The following FAM200B variants were observed in gnomAD, a reference collection of about 807,000 sequenced individuals.
FAM200B encodes zinc finger BED-type containing 11.
FAM200B carries 32 observed loss-of-function variants against 33.1 expected under a neutral mutation model. That is an observed-to-expected ratio of 0.97 (90% CI 0.73 to 1.30). The LOEUF (loss-of-function observed/expected upper bound fraction) is 1.30, where lower values mean the gene tolerates loss of function less well. Ranked by LOEUF, FAM200B falls within the 50% of genes most tolerant of loss-of-function variation. The pLI is 0.00. For synonymous variants in FAM200B, 240 were observed against 264.8 expected (o/e 0.91, Z 0.91); for missense variants, 741 against 754.0 (o/e 0.98, Z 0.20).
At chr4:15,663,474 A>G in the FAM200B span, among the ~76,000 whole-genome samples, 1 of 152,258 alleles carries the variant, frequency 6.6e-6, no homozygotes, top group Admixed American at 6.5e-5. Flanking sequence ...CTGGGTTCAA[A>G]TCTCAGCTGG....
the FAM200B span, among the ~76,000 whole-genome samples, chr4:15,668,461 A>AT: frequency 8.9e-4 from 133 of 150,158 alleles, no homozygotes; most frequent in Admixed American, 2.3e-3. Flanking sequence ...ACATTCTTTT[A>AT]TTTTTTTTTG....
chr4:15,669,919 G>T, the FAM200B span, among the ~76,000 whole-genome samples: 1 of 152,086 alleles, frequency 6.6e-6, no homozygotes, highest in Non-Finnish European at 1.5e-5. Flanking sequence ...TTGTTAAAGG[G>T]GCGGTAATCA....
At chr4:15,684,063 A>G (rs923044762) in intron 1 of FAM200B, among the ~76,000 whole-genome samples, 1 of 152,242 alleles carries the variant, frequency 6.6e-6, no homozygotes, top group Non-Finnish European at 1.5e-5. Context: ...AAGGGAGGCT[A>G]AGTAGATGGA....
intron 1 of FAM200B, among the ~76,000 whole-genome samples, chr4:15,682,771 A>G (rs1718441980): frequency 6.6e-6 from 1 of 152,252 alleles, no homozygotes; most frequent in African/African-American, 2.4e-5. Flanking sequence ...GAAAAGAATA[A>G]ATAGGACTTC....
At chr4:15,685,436 T>G (rs1044164539) in intron 1 of FAM200B, among the ~76,000 whole-genome samples, 9 of 152,158 alleles carry the variant, frequency 5.9e-5, no homozygotes, top group Admixed American at 3.3e-4. Context: ...TGAAATAATT[T>G]TGGCCGACTT....
the FAM200B span, among the ~76,000 whole-genome samples, chr4:15,653,925 A>C: frequency 6.6e-6 from 1 of 152,212 alleles, no homozygotes; most frequent in Non-Finnish European, 1.5e-5. Flanking sequence ...TTTTTAGTTT[A>C]AGGCTAATAA....
Position 15,687,228 on chromosome 4 carries a change from C to T in FAM200B, c.251C>T (p.Pro84Leu). 6.5e-7 allele frequency: 1 copy of T among 1,542,332 alleles called. No individual in the cohort carries two copies. The highest frequency in any genetic ancestry group is 8.7e-7 in the Non-Finnish European group (1 of 1,143,488). ...GAAAAACCCTTTGAAAATGACAGACCTCAGTGTGTTATTTGTAATAATATT... is the reference window on the plus strand; with the variant it reads ...GAAAAACCCTTTGAAAATGACAGACTTCAGTGTGTTATTTGTAATAATATT... ...KCEKPFENDR[P>L]QCVICNNILA... The change falls in exon 2 of 2, where the codon CCT (proline) becomes CTT (leucine). Residue 84 changes from proline (P) to leucine (L), a missense_variant. Transcript: ENST00000422728.
Position 15,688,799 on chromosome 4 carries a change from A to G in FAM200B, c.1822A>G (p.Thr608Ala), listed in dbSNP as rs1342742103. 1.3e-6 allele frequency: 2 copies of G among 1,551,278 alleles called. No homozygotes were observed. Among genetic ancestry groups the G allele is most frequent in the East Asian group, 2.4e-5 (1 of 40,914 alleles). Residue 608 changes from threonine to alanine, a missense_variant, in exon 2 of 2, where the codon ACT (threonine) becomes GCT (alanine). Thr to Ala is a moderately conservative substitution (Grantham distance 58, BLOSUM62 0). Transcript: ENST00000422728. Reference protein sequence around the residue: ...SVLLLLPFTTTSLCELGFSIL... With the variant: ...SVLLLLPFTTASLCELGFSIL... Reference sequence around the variant, plus strand: ...CCTGCTATTGCTACCATTCACAACAACTAGTTTGTGTGAACTAGGGTTTTC... The same window carrying G: ...CCTGCTATTGCTACCATTCACAACAGCTAGTTTGTGTGAACTAGGGTTTTC...
chr4:15,638,342 G>A, the FAM200B span, among the ~76,000 whole-genome samples: 80 of 152,134 alleles, frequency 5.3e-4, no homozygotes, highest in Non-Finnish European at 1.0e-3. Context: ...ATTCTAAAAT[G>A]AGAACCATCG....
At chr4:15,641,785 G>C in the FAM200B span, among the ~76,000 whole-genome samples, 245 of 152,164 alleles carry the variant, frequency 1.6e-3, 1 homozygote, top group African/African-American at 5.8e-3. Context: ...CCACCACTTT[G>C]GGACGCAGAG....
At chr4:15,649,796 C>A in the FAM200B span, among the ~76,000 whole-genome samples, 2 of 151,944 alleles carry the variant, frequency 1.3e-5, no homozygotes, top group Non-Finnish European at 2.9e-5. Flanking sequence ...ATATTTAATT[C>A]TTAAAACAAC....
the FAM200B span, among the ~76,000 whole-genome samples, chr4:15,653,981 C>A: frequency 6.6e-6 from 1 of 152,120 alleles, no homozygotes; most frequent in African/African-American, 2.4e-5. Flanking sequence ...CTGGTGTTTC[C>A]AACTCATGTG....
rs961259391 is a variant in FAM200B, at chr4:15,686,603, C to T, written c.-375C>T. 1 of 156,016 alleles carries T rather than the reference C, an allele frequency of 6.4e-6. No individual in the cohort carries two copies. The highest frequency in any genetic ancestry group is 6.5e-5 in the Admixed American group (1 of 15,454). The allele number at this position is 156,016 out of a possible 1,614,324, so 9.7% of individuals were successfully genotyped here. A position where few individuals can be genotyped will look rare whatever the true frequency, so the allele number is the denominator to read the frequency against. ...AAAAACAAAATAAAATGTAAAATAC[C>T]AAAGTGTTTTGCATGAATCCTTTGC... On this transcript the variant is annotated 5_prime_UTR_variant, in exon 2 of 2. Coordinates refer to ENST00000422728, the MANE Select transcript of FAM200B (RefSeq NM_001145191.2).
the FAM200B span, among the ~76,000 whole-genome samples, chr4:15,675,927 A>G: frequency 6.6e-6 from 1 of 152,164 alleles, no homozygotes; most frequent in East Asian, 1.9e-4. Context: ...TATTCTGACT[A>G]CCTCAAACAG....
At chr4:15,661,241 T>G in the FAM200B span, among the ~76,000 whole-genome samples, 1 of 152,212 alleles carries the variant, frequency 6.6e-6, no homozygotes, top group Non-Finnish European at 1.5e-5. Flanking sequence ...AACAAAACTT[T>G]GGCATGTGCT....
chr4:15,666,258 G>T, the FAM200B span, among the ~76,000 whole-genome samples: 1 of 152,030 alleles, frequency 6.6e-6, no homozygotes, highest in African/African-American at 2.4e-5. Flanking sequence ...AATTAGCCAG[G>T]TATGGTGGTG....
intron 1 of FAM200B, among the ~76,000 whole-genome samples, chr4:15,684,061 C>G (rs1331112499): frequency 1.3e-5 from 2 of 152,194 alleles, no homozygotes; most frequent in African/African-American, 4.8e-5. Context: ...TTAAGGGAGG[C>G]TAAGTAGATG....
At chr4:15,683,590 G>A (rs897912970) in intron 1 of FAM200B, among the ~76,000 whole-genome samples, 12 of 152,160 alleles carry the variant, frequency 7.9e-5, no homozygotes, top group Non-Finnish European at 1.3e-4. Context: ...CTTTTTTAAT[G>A]TATATTTCTT....
At chr4:15,643,322 G>A in the FAM200B span, among the ~76,000 whole-genome samples, 1 of 152,176 alleles carries the variant, frequency 6.6e-6, no homozygotes, top group African/African-American at 2.4e-5. Context: ...ATCTCCAGGT[G>A]AGGAGCACAT....
Sources: allele counts gnomAD v4.1 joint callset (sites outside exome capture counted in the v4.1 genomes callset), GRCh38; gene constraint gnomAD v4.1.1; transcripts MANE v1.5; gene names NCBI Gene and HGNC (gene_info 2026-07-23, HGNC 2026-07-21).